Variants in DNAH7 observed in about 807,000 individuals in gnomAD.
DNAH7 encodes the protein axonemal beta dynein heavy chain 7.
DNAH7 carries 397 observed loss-of-function variants against 444.6 expected under a neutral mutation model. The observed-to-expected ratio is 0.89, with a 90% confidence interval of 0.82 to 0.97. The LOEUF (loss-of-function observed/expected upper bound fraction) is 0.97. Ranked by LOEUF, DNAH7 falls within the 50% of genes least tolerant of loss-of-function variation. The probability of loss-of-function intolerance (pLI) is 0.00; values close to 1 mark genes in which losing one functional copy is unlikely to be tolerated. For missense variants in DNAH7, 4,902 were observed against 4,800.8 expected (o/e 1.02, Z -0.62); for synonymous variants, 1,636 against 1,624.4 (o/e 1.01, Z -0.17).
In DNAH7 at chr2:195,984,709, A is replaced by G; in HGVS notation, c.1756T>C (p.Leu586=). The change falls in exon 15 of 65, where the codon TTA becomes CTA. Residue 586 remains leucine, a splice_region_variant and synonymous_variant. Coordinates refer to ENST00000312428, the MANE Select transcript of DNAH7 (RefSeq NM_018897.3). ...FRDHQEVNTR[L]CDEFERIAEK... ...GCTATCCTCTCAAATTCATCGCATA[A>G]TCTGAAACACCAAGTAAAACCAATC... The G allele has an allele frequency of 6.2e-7, 1 of 1,613,770 alleles. No individual in the cohort carries two copies. Among genetic ancestry groups the G allele is most frequent in the Non-Finnish European group, 8.5e-7 (1 of 1,179,790 alleles).
intron 49 of DNAH7, among the ~76,000 whole-genome samples, chr2:195,822,087 G>A (rs1697502508): frequency 2.0e-5 from 3 of 152,122 alleles, no homozygotes; most frequent in Admixed American, 2.0e-4. Flanking sequence ...AAATTTATAT[G>A]AGATAAGCAA....
intron 47 of DNAH7, among the ~76,000 whole-genome samples, chr2:195,837,757 A>T (rs1698452094): frequency 6.6e-6 from 1 of 152,148 alleles, no homozygotes; most frequent in South Asian, 2.1e-4. Context: ...CAGTTACCCA[A>T]AACACTGAGC....
At chr2:195,924,070 T>C (rs2125359852) in intron 22 of DNAH7, among the ~76,000 whole-genome samples, 1 of 152,318 alleles carries the variant, frequency 6.6e-6, no homozygotes, top group East Asian at 1.9e-4. Context: ...CTCTGTGGTT[T>C]TGTTGGAGCT....
At chr2:195,747,436 T>G (rs529471291) in intron 63 of DNAH7, among the ~76,000 whole-genome samples, 9 of 152,336 alleles carry the variant, frequency 5.9e-5, no homozygotes, top group Admixed American at 2.0e-4. Flanking sequence ...CCATTCCTTC[T>G]GAAACTATTC....
chr2:196,031,056 GC>G (rs1461945416), intron 5 of DNAH7, among the ~76,000 whole-genome samples: 1 of 152,222 alleles, frequency 6.6e-6, no homozygotes, highest in Non-Finnish European at 1.5e-5. Context: ...GTCCATGAGG[GC>G]CCTGCCCTTG....
chr2:195,817,387 CTTACCTCAG>C (rs1697276671), intron 50 of DNAH7, among the ~76,000 whole-genome samples: 1 of 152,212 alleles, frequency 6.6e-6, no homozygotes, highest in African/African-American at 2.4e-5. Flanking sequence ...GTAAAAACAG[CTTACCTCAG>C]TTACACAGTG....
At chr2:195,878,508 G>A (rs1701186754) in intron 36 of DNAH7, among the ~76,000 whole-genome samples, 1 of 152,138 alleles carries the variant, frequency 6.6e-6, no homozygotes, top group African/African-American at 2.4e-5. Context: ...GCTGAAGTGG[G>A]GGGATCACTT....
chr2:195,805,061 C>T (rs1319942881), intron 54 of DNAH7, among the ~76,000 whole-genome samples: 1 of 152,070 alleles, frequency 6.6e-6, no homozygotes, highest in Non-Finnish European at 1.5e-5. Flanking sequence ...TCCCACCTCC[C>T]TCGAATATAC....
At chr2:196,052,623 T>C (rs1173661529) in intron 2 of DNAH7, among the ~76,000 whole-genome samples, 1 of 152,198 alleles carries the variant, frequency 6.6e-6, no homozygotes, top group East Asian at 1.9e-4. Context: ...ATTACGTAGA[T>C]AAGAAATCAT....
At chr2:195,936,551 G>C (rs373521842) in intron 20 of DNAH7, 48 bp downstream of exon 20, 12 of 1,361,796 alleles carry the variant, frequency 8.8e-6, no homozygotes, top group Non-Finnish European at 1.2e-5. Flanking sequence ...TAAAAATTAA[G>C]TTTAAGCAGA....
intron 54 of DNAH7, among the ~76,000 whole-genome samples, chr2:195,801,280 TC>T (rs1696439449): frequency 6.6e-6 from 1 of 151,932 alleles, no homozygotes; most frequent in South Asian, 2.1e-4. Flanking sequence ...GTACTTTTTT[TC>T]CTGCTCTGAA....
At chr2:196,028,332 T>C (rs886134173) in intron 5 of DNAH7, among the ~76,000 whole-genome samples, 4 of 152,156 alleles carry the variant, frequency 2.6e-5, no homozygotes, top group African/African-American at 7.2e-5. Context: ...AGAATCAAGC[T>C]CTCTCTTCTC....
chr2:195,778,635 AATAAATAAATATAT>A (rs1241451551), intron 58 of DNAH7, among the ~76,000 whole-genome samples: 1 of 47,704 alleles, frequency 2.1e-5, no homozygotes, highest in African/African-American at 9.4e-5. Context: ...AAAAAAAATA[AATAAATAAATATAT>A]ATATATATAT....
intron 9 of DNAH7, 53 bp downstream of exon 9, chr2:196,019,117 A>C (rs771895693): frequency 7.3e-7 from 1 of 1,370,044 alleles, no homozygotes; most frequent in Non-Finnish European, 9.5e-7. Context: ...AAGATATAGT[A>C]AAACAACTTC....
chr2:195,737,807 T>G lies in DNAH7; in HGVS notation c.*114A>C. 1 of 884,182 alleles carries G rather than the reference T, an allele frequency of 1.1e-6. No homozygotes were observed. The highest frequency in any genetic ancestry group is 1.7e-5 in the African/African-American group (1 of 58,966). 54.8% of individuals were successfully genotyped at this position (884,182 alleles called of 1,614,324 possible). A position where few individuals can be genotyped will look rare whatever the true frequency, so the allele number is the denominator to read the frequency against. On this transcript the variant is annotated 3_prime_UTR_variant, in exon 65 of 65. Transcript: ENST00000312428. ...TTGCTCATAAGTAAATTCATAATTA[T>G]AACTTTAGTCAAATGTATTTAAACA...
At chr2:195,908,110 TTACA>T (rs1165032534) in intron 25 of DNAH7, among the ~76,000 whole-genome samples, 1 of 151,978 alleles carries the variant, frequency 6.6e-6, no homozygotes, top group Non-Finnish European at 1.5e-5. Flanking sequence ...AAGACGGTCA[TTACA>T]TAGATTCAAA....
intron 54 of DNAH7, among the ~76,000 whole-genome samples, chr2:195,805,494 C>T (rs1470550827): frequency 6.6e-6 from 1 of 152,006 alleles, no homozygotes; most frequent in Non-Finnish European, 1.5e-5. Context: ...TTTAAAAGGG[C>T]TACCAAGGGG....
intron 61 of DNAH7, 137 bp downstream of exon 61, chr2:195,771,523 G>C: frequency 1.5e-6 from 1 of 673,882 alleles, no homozygotes; most frequent in Non-Finnish European, 2.5e-6. Context: ...TCAAGGGCAA[G>C]AATTATTTTC....
At chr2:195,875,556 A>G in intron 38 of DNAH7, 119 bp downstream of exon 38, 1 of 927,816 alleles carries the variant, frequency 1.1e-6, no homozygotes, top group Non-Finnish European at 1.6e-6. Flanking sequence ...CAATAGATAC[A>G]CATAGAAAAC....
Sources: gnomAD v4.1 joint callset for allele counts (sites outside exome capture counted in the v4.1 genomes callset) on GRCh38, gnomAD v4.1.1 for gene constraint, MANE v1.5 for transcripts, NCBI Gene and HGNC (gene_info 2026-07-23, HGNC 2026-07-21) for gene names.